Variants in MITF observed in about 807,000 individuals in gnomAD.
The protein encoded by MITF is melanocyte inducing transcription factor.
A neutral mutation model predicts 60.5 loss-of-function variants in MITF; 17 were observed. The ratio of observed to expected loss-of-function variants is 0.28; its 90% confidence interval spans 0.19 to 0.42. The LOEUF is 0.42. Among genes scored for constraint, MITF ranks in the 10% least tolerant of loss-of-function variants. The pLI is 1.00. For synonymous variants in MITF, 260 were observed against 248.5 expected (o/e 1.05, Z -0.43); for missense variants, 622 against 683.5 (o/e 0.91, Z 1.00).
At chr3:69,783,833 C>G (rs986500461) in intron 1 of MITF, among the ~76,000 whole-genome samples, 4 of 152,178 alleles carry the variant, frequency 2.6e-5, no homozygotes, top group Admixed American at 2.6e-4. Context: ...CCAGCTGTCT[C>G]TACTGATTTG....
chr3:69,850,384 T>C (rs1240340621), intron 1 of MITF, among the ~76,000 whole-genome samples: 1 of 152,238 alleles, frequency 6.6e-6, no homozygotes, highest in Non-Finnish European at 1.5e-5. Flanking sequence ...GTAAAAGGGA[T>C]ACTAAAATAA....
chr3:69,826,366 C>T lies in MITF; in HGVS notation c.105-52768C>T, dbSNP rs554449218. The stretch of plus-strand genomic sequence containing the variant: ...CATGATTATGTTTGGGAAATTGATT[C>T]TTCCTCATTGCTGTAAGTAGTTATA... On this transcript the variant is annotated intron_variant, in intron 1 of 9. Coordinates refer to ENST00000352241, the MANE Select transcript of MITF (RefSeq NM_001354604.2). Among the ~76,000 whole-genome samples, 24 of 152,286 alleles carry T rather than the reference C, an allele frequency of 1.6e-4. No homozygotes were observed. In the South Asian group the frequency reaches 1.9e-3, roughly 12 times the overall value.
intron 1 of MITF, among the ~76,000 whole-genome samples, chr3:69,858,980 C>G (rs2063966175): frequency 6.6e-6 from 1 of 152,102 alleles, no homozygotes; most frequent in South Asian, 2.1e-4. Context: ...CATACTTTAT[C>G]TCATTCAATC....
intron 1 of MITF, among the ~76,000 whole-genome samples, chr3:69,877,017 T>A (rs1176746534): frequency 6.6e-6 from 1 of 152,216 alleles, no homozygotes; most frequent in East Asian, 1.9e-4. Flanking sequence ...TCCCTACTAA[T>A]CATTTTGCAT....
At chr3:69,828,916 A>G (rs948792647) in intron 1 of MITF, among the ~76,000 whole-genome samples, 1 of 149,960 alleles carries the variant, frequency 6.7e-6, no homozygotes, top group Admixed American at 6.7e-5. Flanking sequence ...AAACATTGGC[A>G]TCTGAATTGA....
At chr3:69,746,605 C>T (rs1357653744) in intron 1 of MITF, among the ~76,000 whole-genome samples, 4 of 152,140 alleles carry the variant, frequency 2.6e-5, no homozygotes, top group Non-Finnish European at 5.9e-5. Context: ...TGTTTGACTA[C>T]ACTCCAAGTA....
At chr3:69,750,515 T>G (rs1251515342) in intron 1 of MITF, among the ~76,000 whole-genome samples, 39 of 151,620 alleles carry the variant, frequency 2.6e-4, no homozygotes, top group Middle Eastern at 3.4e-3. Flanking sequence ...ATCTGGTGAA[T>G]TTTTCATTCT....
At chr3:69,739,743 G>A in intron 1 of MITF, 42 bp downstream of exon 1, 2 of 1,436,640 alleles carry the variant, frequency 1.4e-6, no homozygotes, top group East Asian at 2.5e-5. Context: ...GGGCGGCTGG[G>A]GGGCACTGCG....
chr3:69,860,217 C>G (rs771992176), intron 1 of MITF, among the ~76,000 whole-genome samples: 7 of 152,120 alleles, frequency 4.6e-5, no homozygotes, highest in Admixed American at 2.0e-4. Flanking sequence ...GAGAGAATAT[C>G]AAAGAGTTTA....
chr3:69,935,591 A>G (rs374010714), intron 2 of MITF, among the ~76,000 whole-genome samples: 8 of 152,172 alleles, frequency 5.3e-5, no homozygotes, highest in Admixed American at 2.0e-4. Context: ...GAGATTGTCA[A>G]CCTAACGGAC....
At chr3:69,756,152 C>T (rs1704139699) in intron 1 of MITF, among the ~76,000 whole-genome samples, 1 of 151,904 alleles carries the variant, frequency 6.6e-6, no homozygotes, top group Non-Finnish European at 1.5e-5. Flanking sequence ...TTCTAGGATA[C>T]ATGTGCAGAA....
intron 1 of MITF, among the ~76,000 whole-genome samples, chr3:69,749,814 A>T (rs1417617794): frequency 6.6e-6 from 1 of 152,178 alleles, no homozygotes; most frequent in East Asian, 1.9e-4. Flanking sequence ...TGCATCTTGT[A>T]TCATCTCAGC....
chr3:69,853,396 T>C (rs2063859097), intron 1 of MITF, among the ~76,000 whole-genome samples: 1 of 152,216 alleles, frequency 6.6e-6, no homozygotes, highest in Admixed American at 6.5e-5. Context: ...GCCGTATCCA[T>C]TTCTTTACTT....
At position 69,777,891 on chromosome 3, in the gene MITF, A is replaced by G. The variant is rs542204340; in HGVS notation, c.104+38190A>G. On this transcript the variant is annotated intron_variant, in intron 1 of 9. Coordinates refer to ENST00000352241, the MANE Select transcript of MITF (RefSeq NM_001354604.2). ...AAGGGTGGGCTTTATTAGAAGGCCA[A>G]TAGAGAGGAATGGAAAGGTTTTAAG... Among the ~76,000 whole-genome samples the G allele has an allele frequency of 5.3e-5, 8 of 152,294 alleles. No homozygotes were observed. In the South Asian group the frequency reaches 1.5e-3, roughly 28 times the overall value.
chr3:69,891,155 TAAAATCAC>T (rs903212851), intron 2 of MITF, among the ~76,000 whole-genome samples: 12 of 152,326 alleles, frequency 7.9e-5, no homozygotes, highest in African/African-American at 2.9e-4. Flanking sequence ...AGGTTTGTTT[TAAAATCAC>T]ATACCTAAAT....
intron 1 of MITF, among the ~76,000 whole-genome samples, chr3:69,744,226 T>C (rs1559604293): frequency 6.6e-6 from 1 of 152,268 alleles, no homozygotes; most frequent in Non-Finnish European, 1.5e-5. Context: ...CTTGGAGTTA[T>C]GCTGAGATGT....
intron 1 of MITF, among the ~76,000 whole-genome samples, chr3:69,864,959 A>G (rs546706833): frequency 2.0e-5 from 3 of 152,330 alleles, no homozygotes; most frequent in South Asian, 4.1e-4. Context: ...TCTCTGCAGC[A>G]GTTATGACAT....
At chr3:69,889,219 C>A (rs1341361186) in intron 2 of MITF, among the ~76,000 whole-genome samples, 1 of 151,360 alleles carries the variant, frequency 6.6e-6, no homozygotes, top group East Asian at 1.9e-4. Flanking sequence ...ACTGATGGAC[C>A]TCATTATGCT....
chr3:69,886,564 T>C (rs150591050), intron 2 of MITF, among the ~76,000 whole-genome samples: 2 of 152,150 alleles, frequency 1.3e-5, no homozygotes, highest in East Asian at 1.9e-4. Context: ...TAACAGAATA[T>C]ATTAGAGCAA....
Sources: allele counts gnomAD v4.1 joint callset (sites outside exome capture counted in the v4.1 genomes callset), GRCh38; gene constraint gnomAD v4.1.1; transcripts MANE v1.5; gene names NCBI Gene and HGNC (gene_info 2026-07-23, HGNC 2026-07-21).